The following GRTP1 variants were observed in gnomAD, a reference collection of about 807,000 sequenced individuals.
The protein encoded by GRTP1 is growth hormone-regulated TBC protein 1.
A neutral mutation model predicts 38.1 loss-of-function variants in GRTP1; 56 were observed. That is an observed-to-expected ratio of 1.47 (90% confidence interval 1.19 to 1.84). The LOEUF (loss-of-function observed/expected upper bound fraction) is 1.84. Among genes scored for constraint, GRTP1 ranks in the 40% most tolerant of loss-of-function variants. The probability of loss-of-function intolerance (pLI) is 0.00; values close to 1 mark genes in which losing one functional copy is unlikely to be tolerated. For missense variants in GRTP1, 506 were observed against 453.9 expected (o/e 1.11, Z -1.04); for synonymous variants, 217 against 189.5 (o/e 1.14, Z -1.19).
chr13:113,324,829 CTT>C (rs781015380), intron 7 of GRTP1: 15,205 of 970,758 alleles, frequency 0.016, 279 homozygotes, highest in East Asian at 0.13. Flanking sequence ...TTCCATTAGA[CTT>C]TTTTTTTTTT....
intron 4 of GRTP1, 89 bp downstream of exon 4, chr13:113,350,760 A>G (rs926503470): frequency 3.9e-5 from 48 of 1,226,886 alleles, no homozygotes; most frequent in Non-Finnish European, 4.7e-5. Context: ...GGGTTGACAG[A>G]GACGTGAGGC....
chr13:113,364,059 G>A lies in GRTP1; in HGVS notation c.-8C>T, dbSNP rs1433990677. On this transcript the variant is annotated 5_prime_UTR_variant, in exon 1 of 8. Transcript: ENST00000375431. ...GCGCTCGGCGGGCTGCATGCGGGGA[G>A]GGAGGCGCGCACCGAGCGAGGCCAG... 4.7e-6 allele frequency: 6 copies of A among 1,284,318 alleles called. No individual in the cohort carries two copies. Among genetic ancestry groups the A allele is most frequent in the Admixed American group, 7.6e-5 (2 of 26,240 alleles). 79.6% of individuals were successfully genotyped at this position (1,284,318 alleles called of 1,614,324 possible). A position where few individuals can be genotyped will look rare whatever the true frequency, so the allele number is the denominator to read the frequency against.
At position 113,345,508 on chromosome 13, in the gene GRTP1, C is replaced by T. The variant is rs141789486; in HGVS notation, c.466-549G>A. Reference sequence around the variant, plus strand: ...GGGCAGCCCCAGACCCTGGGGGCTTCGCAGCCGTGAGTCAGCGCCATTTCC... The same window carrying T: ...GGGCAGCCCCAGACCCTGGGGGCTTTGCAGCCGTGAGTCAGCGCCATTTCC... On this transcript the variant is annotated intron_variant, in intron 4 of 7. Coordinates refer to ENST00000375431, the MANE Select transcript of GRTP1 (RefSeq NM_024719.4). Among the ~76,000 whole-genome samples the T allele has an allele frequency of 3.0e-4, 46 of 152,352 alleles. No homozygotes were observed. In the East Asian group the frequency reaches 4.6e-3, roughly 15 times the overall value.
intron 5 of GRTP1, among the ~76,000 whole-genome samples, chr13:113,334,468 C>T (rs1480818601): frequency 6.6e-6 from 1 of 152,180 alleles, no homozygotes; most frequent in Admixed American, 6.5e-5. Context: ...ATCAGTCGTG[C>T]GCGGAAACAG....
chr13:113,355,517 A>T, intron 2 of GRTP1, 36 bp from the exon 3 acceptor site: 1 of 1,568,932 alleles, frequency 6.4e-7, no homozygotes, highest in Non-Finnish European at 8.7e-7. Context: ...TGTGAGCTGG[A>T]CCAGGGGCCT....
At chr13:113,346,067 T>C (rs1440766424) in intron 4 of GRTP1, among the ~76,000 whole-genome samples, 10 of 86,746 alleles carry the variant, frequency 1.2e-4, no homozygotes, top group Non-Finnish European at 2.1e-4. Context: ...CGGGAGGACC[T>C]CTGCGGCTGA....
At chr13:113,360,112 C>T (rs1431448640) in intron 2 of GRTP1, 1 of 152,118 alleles carries the variant, frequency 6.6e-6, no homozygotes, top group African/African-American at 2.4e-5. Flanking sequence ...ATATTCTAAG[C>T]CACCAGGAAG....
chr13:113,349,750 G>C lies in GRTP1; in HGVS notation c.465+1099C>G, dbSNP rs2043227204. On this transcript the variant is annotated intron_variant, in intron 4 of 7. Transcript: ENST00000375431. The surrounding 1 kb of genome is among the most constrained non-coding windows in gnomAD (Gnocchi z 5.0). ...GGAGCATTCACTCTGCCAGGTGCCA[G>C]GCCCAGGGCTGTCCAGGCAGGGGCT... 1.3e-5 allele frequency among the ~76,000 whole-genome samples: 2 copies of C among 152,202 alleles called. No individual in the cohort carries two copies. The highest frequency in any genetic ancestry group is 4.1e-4 in the South Asian group (2 of 4,832).
intron 5 of GRTP1, among the ~76,000 whole-genome samples, chr13:113,328,102 C>G (rs1439983791): frequency 2.0e-5 from 3 of 152,236 alleles, no homozygotes; most frequent in Non-Finnish European, 4.4e-5. Flanking sequence ...GCTCATCCCT[C>G]AGGCTGAGGC....
chr13:113,349,632 C>T lies in GRTP1; in HGVS notation c.465+1217G>A, dbSNP rs935983373. Among the ~76,000 whole-genome samples, 2 of 152,220 alleles carry T rather than the reference C, an allele frequency of 1.3e-5. No individual in the cohort carries two copies. The highest frequency in any genetic ancestry group is 4.8e-5 in the African/African-American group (2 of 41,464). ...GCTACAGAGCCACACACGCACAGCA[C>T]GTGGAACAGCTGGTGAGGACAGCGT... On this transcript the variant is annotated intron_variant, in intron 4 of 7. Transcript: ENST00000375431. This position sits in a 1 kb window ranked among gnomAD's most constrained non-coding sequence, Gnocchi z 5.0.
rs56978563 is a variant in GRTP1, at chr13:113,328,531, A to ATTTTT, written c.563-2445_563-2441dup. On this transcript the variant is annotated intron_variant, in intron 5 of 7. Transcript: ENST00000375431. ...AAGGTGTGAGTTGAAGACTCAAACAATTTTTTGAGACAGGGTCTCACTCTG... is the reference window on the plus strand; with the variant it reads ...AAGGTGTGAGTTGAAGACTCAAACAATTTTTTTTTTTGAGACAGGGTCTCACTCTG... Among the ~76,000 whole-genome samples, 1,483 of 152,228 alleles carry ATTTTT rather than the reference A, an allele frequency of 9.7e-3. 65 individuals are homozygous for ATTTTT. In the East Asian group the frequency reaches 0.13, roughly 13 times the overall value.
intron 5 of GRTP1, among the ~76,000 whole-genome samples, chr13:113,333,805 T>G (rs1488575599): frequency 1.1e-5 from 1 of 90,794 alleles, no homozygotes; most frequent in Non-Finnish European, 2.1e-5. Context: ...GCCTGTACTT[T>G]ATTTATTTAT....
chr13:113,343,530 GACACACACTAT>G lies in GRTP1; in HGVS notation c.562+1322_562+1332del, dbSNP rs1164621227. Among the ~76,000 whole-genome samples the G allele has an allele frequency of 6.6e-6, 1 of 152,200 alleles. No individual in the cohort carries two copies. The highest frequency in any genetic ancestry group is 1.5e-5 in the Non-Finnish European group (1 of 68,032). On this transcript the variant is annotated intron_variant, in intron 5 of 7. Transcript: ENST00000375431. The surrounding 1 kb of genome is among the most constrained non-coding windows in gnomAD (Gnocchi z 4.8). ...ACTTGAGCTTTGCCCCATCCGTGAG[GACACACACTAT>G]GGTCTGTGAGTCACACAGCCAGGAT...
chr13:113,350,143 A>G (rs1163906996), intron 4 of GRTP1, among the ~76,000 whole-genome samples: 1 of 152,122 alleles, frequency 6.6e-6, no homozygotes, highest in Non-Finnish European at 1.5e-5. Flanking sequence ...AGACTGGAAC[A>G]GCACCACCAG....
At chr13:113,358,986 A>G (rs2043445815) in intron 2 of GRTP1, among the ~76,000 whole-genome samples, 1 of 152,232 alleles carries the variant, frequency 6.6e-6, no homozygotes, top group Admixed American at 6.5e-5. Flanking sequence ...GTCGGCTTAC[A>G]CATTCCAAAT....
At chr13:113,340,003 AGATT>A (rs2043004452) in intron 5 of GRTP1, 2 of 152,192 alleles carry the variant, frequency 1.3e-5, no homozygotes, top group African/African-American at 4.8e-5. Flanking sequence ...ATTTTCTGCA[AGATT>A]GATTAATTAA....
intron 5 of GRTP1, among the ~76,000 whole-genome samples, chr13:113,333,944 C>A (rs7992962): frequency 0.049 from 7,481 of 151,170 alleles, 615 homozygotes; most frequent in African/African-American, 0.17. Context: ...AAGCAACTCT[C>A]CTGCCTCAGC....
At chr13:113,337,955 GGTATTT>G (rs1472371432) in intron 5 of GRTP1, among the ~76,000 whole-genome samples, 1 of 152,248 alleles carries the variant, frequency 6.6e-6, no homozygotes, top group East Asian at 1.9e-4. Flanking sequence ...CCAGAGCTGA[GGTATTT>G]CTATGTCGAG....
At chr13:113,338,522 G>T (rs941065627) in intron 5 of GRTP1, among the ~76,000 whole-genome samples, 5 of 152,116 alleles carry the variant, frequency 3.3e-5, no homozygotes, top group Non-Finnish European at 7.4e-5. Flanking sequence ...GGGCGGGGAG[G>T]CCTGAGATGG....
Sources: allele counts gnomAD v4.1 joint callset (sites outside exome capture counted in the v4.1 genomes callset), GRCh38; gene constraint gnomAD v4.1.1; non-coding constraint Gnocchi (gnomAD v3.1); transcripts MANE v1.5; gene names NCBI Gene and HGNC (gene_info 2026-07-23, HGNC 2026-07-21).